Variants in WIPI2 observed in about 807,000 individuals in gnomAD.
WIPI2 encodes WD repeat domain phosphoinositide-interacting protein 2.
In WIPI2, 28 loss-of-function variants were observed where a neutral mutation model predicts 52.3. That is an observed-to-expected ratio of 0.54 (90% CI 0.40 to 0.73). The LOEUF (loss-of-function observed/expected upper bound fraction) is 0.73, where lower values mean the gene tolerates loss of function less well. WIPI2 is among the 30% of genes least tolerant of loss of function. The pLI is 0.00. For missense variants in WIPI2, 506 were observed against 602.9 expected (o/e 0.84, Z 1.68); for synonymous variants, 268 against 245.0 (o/e 1.09, Z -0.88).
At chr7:5,191,609 GGA>G (rs759384137) in intron 1 of WIPI2, among the ~76,000 whole-genome samples, 2 of 152,168 alleles carry the variant, frequency 1.3e-5, no homozygotes, top group Non-Finnish European at 2.9e-5. Flanking sequence ...CGAGCTTTCT[GGA>G]GAGAGAAGGG....
chr7:5,232,591 G>C lies in WIPI2; in HGVS notation c.*1644G>C. The C allele has an allele frequency of 2.9e-6, 1 of 340,608 alleles. No homozygotes were observed. 21.1% of individuals were successfully genotyped at this position (340,608 alleles called of 1,614,324 possible). On this transcript the variant is annotated 3_prime_UTR_variant, in exon 13 of 13. Transcript: ENST00000288828. ...GTGGGGACCGCCGAGGCCAGAGTGG[G>C]CTATGCTTGAGCAGGGATGAGAAGG... is the stretch of plus-strand genomic sequence containing the variant.
At chr7:5,229,076 C>T (rs140412860) in intron 11 of WIPI2, among the ~76,000 whole-genome samples, 9 of 152,036 alleles carry the variant, frequency 5.9e-5, no homozygotes, top group East Asian at 1.9e-4. Context: ...AGTACAGTGG[C>T]GCGATCTCGG....
chr7:5,216,471 C>A, intron 4 of WIPI2, 92 bp from the exon 5 acceptor site: 1 of 948,786 alleles, frequency 1.1e-6, no homozygotes, highest in Non-Finnish European at 1.7e-6. Context: ...GGAATGAGAG[C>A]GTCATAGTCC....
rs371705762 is a variant in WIPI2 at position 5,228,182 on chromosome 7, C to T, written c.1092C>T (p.Gly364=). ...TGTACAACCTGGACCCCCAGGAGGGCGGCGAGTGTGCCCTGATGAAGCAGC... is the reference window on the plus strand; with the variant it reads ...TGTACAACCTGGACCCCCAGGAGGGTGGCGAGTGTGCCCTGATGAAGCAGC... The part of the protein sequence containing the change: ...LYMYNLDPQE[G]GECALMKQHR... The change falls in exon 11 of 13, where the codon GGC becomes GGT. Residue 364 remains glycine, a synonymous_variant. Transcript: ENST00000288828. 5.5e-5 allele frequency: 88 copies of T among 1,613,422 alleles called. No individual in the cohort carries two copies. The highest frequency in any genetic ancestry group is 2.5e-4 in the South Asian group (23 of 91,050).
chr7:5,201,015 C>T (rs4446651), intron 3 of WIPI2, among the ~76,000 whole-genome samples: 143,535 of 152,326 alleles, frequency 0.94, 67,667 homozygotes, highest in Admixed American at 0.96. Flanking sequence ...TCTTCTGCCA[C>T]GGAGGCTGGG....
At chr7:5,216,788 A>C in intron 5 of WIPI2, 129 bp downstream of exon 5, 1 of 910,172 alleles carries the variant, frequency 1.1e-6, no homozygotes, top group East Asian at 2.7e-5. Flanking sequence ...ATTGATCCCA[A>C]ACCAAGCTGC....
intron 11 of WIPI2, 66 bp downstream of exon 11, chr7:5,228,277 C>T (rs567408645): frequency 1.0e-4 from 144 of 1,406,754 alleles, no homozygotes; most frequent in African/African-American, 3.6e-4. Flanking sequence ...GGGCACCTGG[C>T]GAACGTTTGT....
intron 11 of WIPI2, among the ~76,000 whole-genome samples, chr7:5,229,056 C>A (rs1783586789): frequency 6.6e-6 from 1 of 152,148 alleles, no homozygotes; most frequent in South Asian, 2.1e-4. Flanking sequence ...CACTCTGTCA[C>A]CCAGGCTGGA....
At chr7:5,225,605 G>A (rs1468296631) in intron 8 of WIPI2, among the ~76,000 whole-genome samples, 1 of 152,218 alleles carries the variant, frequency 6.6e-6, no homozygotes, top group Non-Finnish European at 1.5e-5. Flanking sequence ...CTTTTGTCAT[G>A]TGGAAGCTTG....
intron 2 of WIPI2, among the ~76,000 whole-genome samples, chr7:5,199,168 G>C (rs1410916370): frequency 6.6e-6 from 1 of 151,904 alleles, no homozygotes; most frequent in Non-Finnish European, 1.5e-5. Context: ...AGCTCCCTGG[G>C]ACTACAAGGG....
At chr7:5,224,335 A>G (rs1375099519) in intron 8 of WIPI2, among the ~76,000 whole-genome samples, 2 of 152,032 alleles carry the variant, frequency 1.3e-5, no homozygotes, top group African/African-American at 4.8e-5. Context: ...CCCTTTCTCC[A>G]TGCGTCTCTA....
intron 3 of WIPI2, among the ~76,000 whole-genome samples, chr7:5,210,718 C>A (rs531141650): frequency 6.6e-6 from 1 of 152,216 alleles, no homozygotes; most frequent in African/African-American, 2.4e-5. Context: ...TTGTTGTTCA[C>A]AGTTCTAGTC....
intron 5 of WIPI2, 166 bp downstream of exon 5, chr7:5,216,825 C>T: frequency 1.4e-6 from 1 of 718,638 alleles, no homozygotes; most frequent in East Asian, 2.7e-5. Flanking sequence ...GTCATGTGAC[C>T]ACATAAGCTC....
At chr7:5,195,225 G>A (rs192205804) in intron 2 of WIPI2, among the ~76,000 whole-genome samples, 2 of 152,328 alleles carry the variant, frequency 1.3e-5, no homozygotes, top group Admixed American at 1.3e-4. Flanking sequence ...AGTGGCTCAC[G>A]CCTGTAATCC....
Position 5,232,694 on chromosome 7 carries a change from G to A in WIPI2, c.*1747G>A, listed in dbSNP as rs1331197332. The A allele has an allele frequency of 1.1e-5, 2 of 189,148 alleles. No homozygotes were observed. Among genetic ancestry groups the A allele is most frequent in the East Asian group, 2.5e-4 (2 of 7,946 alleles). 11.7% of individuals were successfully genotyped at this position (189,148 alleles called of 1,614,324 possible). ...AGAGGGCTCTCTCTAGAACCTGACC[G>A]TGCACTCCATCTCCTGGGAGCCACT... is the stretch of plus-strand genomic sequence containing the variant. On this transcript the variant is annotated 3_prime_UTR_variant, in exon 13 of 13. Coordinates refer to ENST00000288828, the MANE Select transcript of WIPI2 (RefSeq NM_015610.4).
Position 5,232,544 on chromosome 7 carries a change from C to G in WIPI2, c.*1597C>G, listed in dbSNP as rs1783774345. 1 of 385,578 alleles carries G rather than the reference C, an allele frequency of 2.6e-6. No homozygotes were observed. The highest frequency in any genetic ancestry group is 4.6e-6 in the Non-Finnish European group (1 of 218,280). The allele number at this position is 385,578 out of a possible 1,614,324, so 23.9% of individuals were successfully genotyped here. On this transcript the variant is annotated 3_prime_UTR_variant, in exon 13 of 13. Transcript: ENST00000288828. ...TCCTGGACCTTTGATGAAATGGGAT[C>G]CCGGTCACGCAGGCTGAGACAGTGG... is the stretch of plus-strand genomic sequence containing the variant.
intron 9 of WIPI2, 135 bp downstream of exon 9, chr7:5,226,065 G>A: frequency 1.2e-6 from 1 of 836,934 alleles, no homozygotes; most frequent in Middle Eastern, 2.2e-4. Context: ...AGCTGGCCAT[G>A]GAGCGAGCAC....
At chr7:5,222,510 A>C in intron 7 of WIPI2, 92 bp from the exon 8 acceptor site, 1 of 1,320,220 alleles carries the variant, frequency 7.6e-7, no homozygotes, top group Non-Finnish European at 1.1e-6. Flanking sequence ...TCCTGGAGAT[A>C]GCCGTGTGGC....
chr7:5,228,570 G>C (rs1451040943), intron 11 of WIPI2, among the ~76,000 whole-genome samples: 1 of 152,204 alleles, frequency 6.6e-6, no homozygotes, highest in Non-Finnish European at 1.5e-5. Context: ...GGCGCAGCGT[G>C]GTGGCCTCCA....
Sources: allele counts gnomAD v4.1 joint callset (sites outside exome capture counted in the v4.1 genomes callset), GRCh38; gene constraint gnomAD v4.1.1; transcripts MANE v1.5; gene names NCBI Gene and HGNC (gene_info 2026-07-23, HGNC 2026-07-21).